ZNF804B: variants seen among roughly 807,000 people sequenced by gnomAD.
ZNF804B encodes the protein zinc finger protein 804B, also known as zinc finger 804B.
In ZNF804B, 80 loss-of-function variants were observed where a neutral mutation model predicts 101.4. The ratio of observed to expected loss-of-function variants is 0.79; its 90% CI spans 0.66 to 0.95. The LOEUF (loss-of-function observed/expected upper bound fraction) is 0.95, where lower values mean the gene tolerates loss of function less well. ZNF804B is among the 40% of genes least tolerant of loss of function. The probability of loss-of-function intolerance (pLI) is 0.00; values close to 1 mark genes in which losing one functional copy is unlikely to be tolerated. For missense variants in ZNF804B, 1,673 were observed against 1,561.9 expected (o/e 1.07, Z -1.20); for synonymous variants, 622 against 558.8 (o/e 1.11, Z -1.59).
chr7:89,071,456 G>A (rs894866047), intron 1 of ZNF804B, among the ~76,000 whole-genome samples: 17 of 152,002 alleles, frequency 1.1e-4, no homozygotes, highest in South Asian at 4.1e-4. Flanking sequence ...GTCATTTCAC[G>A]TGATTGAGAG....
intron 1 of ZNF804B, among the ~76,000 whole-genome samples, chr7:88,851,073 A>G (rs1363136263): frequency 6.6e-6 from 1 of 152,130 alleles, no homozygotes; most frequent in Non-Finnish European, 1.5e-5. Flanking sequence ...ACTTGGAAAC[A>G]GCAGTAGAAA....
At chr7:89,276,888 A>G (rs1263891739) in intron 2 of ZNF804B, among the ~76,000 whole-genome samples, 3 of 151,782 alleles carry the variant, frequency 2.0e-5, no homozygotes, top group Non-Finnish European at 2.9e-5. Flanking sequence ...AGTATACTGT[A>G]TATCACCAAG....
intron 2 of ZNF804B, among the ~76,000 whole-genome samples, chr7:89,284,682 G>T (rs1218180525): frequency 1.3e-5 from 2 of 151,980 alleles, no homozygotes; most frequent in Non-Finnish European, 2.9e-5. Context: ...TATAAGAAAG[G>T]CACATCTGTA....
intron 2 of ZNF804B, among the ~76,000 whole-genome samples, chr7:89,280,125 C>T (rs1790065051): frequency 6.6e-6 from 1 of 152,216 alleles, no homozygotes; most frequent in African/African-American, 2.4e-5. Flanking sequence ...CACTTAACCA[C>T]ATGGAAACTG....
At chr7:88,835,382 A>T (rs1791198012) in intron 1 of ZNF804B, among the ~76,000 whole-genome samples, 1 of 151,844 alleles carries the variant, frequency 6.6e-6, no homozygotes, top group Non-Finnish European at 1.5e-5. Context: ...TAGAGATCTC[A>T]TTCTGTTGTT....
chr7:89,141,689 A>G (rs1037256818), intron 1 of ZNF804B, among the ~76,000 whole-genome samples: 6 of 151,946 alleles, frequency 3.9e-5, no homozygotes, highest in Non-Finnish European at 8.8e-5. Context: ...GCAATGTCCA[A>G]GAGTTCCAAT....
At chr7:88,890,475 C>T (rs1792200135) in intron 1 of ZNF804B, among the ~76,000 whole-genome samples, 1 of 152,098 alleles carries the variant, frequency 6.6e-6, no homozygotes. Context: ...GTGGCTGTAC[C>T]ATTTGCCTTC....
At chr7:88,933,324 C>T (rs192408909) in intron 1 of ZNF804B, among the ~76,000 whole-genome samples, 1 of 151,748 alleles carries the variant, frequency 6.6e-6, no homozygotes, top group Non-Finnish European at 1.5e-5. Flanking sequence ...ATATGACAAA[C>T]CAACATCATA....
At chr7:88,840,398 G>A (rs887474852) in intron 1 of ZNF804B, among the ~76,000 whole-genome samples, 3 of 152,040 alleles carry the variant, frequency 2.0e-5, no homozygotes, top group Non-Finnish European at 2.9e-5. Flanking sequence ...AACTTCTTTT[G>A]GAAGAGTAAC....
chr7:89,039,300 G>A (rs1243285936), intron 1 of ZNF804B, among the ~76,000 whole-genome samples: 1 of 151,748 alleles, frequency 6.6e-6, no homozygotes, highest in Non-Finnish European at 1.5e-5. Flanking sequence ...TATAAACTTT[G>A]GGTAGTATAA....
At chr7:89,297,968 C>T (rs1790409666) in intron 2 of ZNF804B, among the ~76,000 whole-genome samples, 1 of 148,368 alleles carries the variant, frequency 6.7e-6, no homozygotes. Context: ...TAGGATCAGG[C>T]ATTACATTTA....
chr7:88,789,155 T>C (rs1200066371), intron 1 of ZNF804B, among the ~76,000 whole-genome samples: 1 of 152,040 alleles, frequency 6.6e-6, no homozygotes, highest in Non-Finnish European at 1.5e-5. Context: ...TTCAAAAATA[T>C]AAGAAAACAC....
At position 89,250,199 on chromosome 7, in the gene ZNF804B, T is replaced by A. The variant is rs189569436; in HGVS notation, c.249+31904T>A. Among the ~76,000 whole-genome samples, 12 of 150,216 alleles carry A rather than the reference T, an allele frequency of 8.0e-5. No homozygotes were observed. The East Asian group carries it at 2.1e-3, about 27-fold the overall frequency. On this transcript the variant is annotated intron_variant, in intron 2 of 3. Transcript: ENST00000333190. ...AAGATTTTGTTTCATTAAAAAAAAA[T>A]ATAGGTAAAAAGAGAGAAGATCCAA... is the stretch of plus-strand genomic sequence containing the variant.
intron 1 of ZNF804B, among the ~76,000 whole-genome samples, chr7:88,992,305 A>G (rs1010887597): frequency 3.3e-5 from 5 of 152,046 alleles, no homozygotes; most frequent in African/African-American, 7.2e-5. Context: ...ACCTTTCTTT[A>G]TACCTTGGAC....
chr7:89,279,076 A>G (rs889206972), intron 2 of ZNF804B, among the ~76,000 whole-genome samples: 11 of 152,234 alleles, frequency 7.2e-5, no homozygotes, highest in African/African-American at 2.6e-4. Flanking sequence ...CATCCCTTGT[A>G]AGGTGGATTC....
chr7:89,123,929 A>C (rs1289407429), intron 1 of ZNF804B, among the ~76,000 whole-genome samples: 1 of 152,176 alleles, frequency 6.6e-6, no homozygotes, highest in Non-Finnish European at 1.5e-5. Context: ...TGGCAAGAGA[A>C]GGAGTGTACA....
chr7:89,125,799 T>C (rs1196561148), intron 1 of ZNF804B, among the ~76,000 whole-genome samples: 4 of 152,100 alleles, frequency 2.6e-5, no homozygotes, highest in Admixed American at 1.3e-4. Flanking sequence ...GAGGTCCATG[T>C]TGAAACTCCA....
chr7:89,215,420 A>T (rs1023132280), intron 1 of ZNF804B, among the ~76,000 whole-genome samples: 1 of 152,118 alleles, frequency 6.6e-6, no homozygotes, highest in Non-Finnish European at 1.5e-5. Context: ...CACCTACATA[A>T]TCTGAAAGAA....
chr7:89,092,408 G>GTTTTTTTTTTTTTTTTTTTT (rs71120056), intron 1 of ZNF804B, among the ~76,000 whole-genome samples: 8 of 93,838 alleles, frequency 8.5e-5, no homozygotes, highest in Non-Finnish European at 1.4e-4. Flanking sequence ...TTTCTTTTCT[G>GTTTTTTTTTTTTTTTTTTTT]TTTTTTTTTT....
Sources: gnomAD v4.1 joint callset for allele counts (sites outside exome capture counted in the v4.1 genomes callset) on GRCh38, gnomAD v4.1.1 for gene constraint, MANE v1.5 for transcripts, NCBI Gene and HGNC (gene_info 2026-07-23, HGNC 2026-07-21) for gene names.